UTY: variants seen among roughly 807,000 people sequenced by gnomAD.
UTY encodes ubiquitously transcribed tetratricopeptide repeat containing, Y-linked.
UTY carries 12 observed loss-of-function variants against 32.5 expected under a neutral mutation model. That is an observed-to-expected ratio of 0.37 (90% CI 0.24 to 0.60). The LOEUF is 0.60. Ranked by LOEUF, UTY falls within the 20% of genes least tolerant of loss-of-function variation. UTY has a pLI of 0.69. For synonymous variants in UTY, 131 were observed against 103.4 expected, an observed-to-expected ratio of 1.27 and a Z score of -1.62; for missense variants, 303 against 299.2, an observed-to-expected ratio of 1.01 and a Z score of -0.09.
At chrY:13,405,765 A>G in intron 6 of UTY, among the ~76,000 whole-genome samples, 3 of 32,967 alleles carry the variant, frequency 9.1e-5, no homozygotes, top group African/African-American at 3.5e-4. Flanking sequence ...TCTGTTAAAT[A>G]TGACACTCTT....
At chrY:13,239,083 C>A (rs2053876186) in intron 28 of UTY, among the ~76,000 whole-genome samples, 1 of 32,960 alleles carries the variant, frequency 3.0e-5, no homozygotes, top group Non-Finnish European at 7.5e-5. Context: ...AAATCAAAAT[C>A]AAAAACAAGT....
At chrY:13,362,923 G>C (rs2063697564) in intron 10 of UTY, among the ~76,000 whole-genome samples, 1 of 26,132 alleles carries the variant, frequency 3.8e-5, no homozygotes, top group Admixed American at 3.5e-4. Flanking sequence ...TTTTTTTTTT[G>C]ACATAGAGTC....
At chrY:13,386,092 A>ATTTTTTT (rs1416950038) in intron 8 of UTY, among the ~76,000 whole-genome samples, 1 of 16,480 alleles carries the variant, frequency 6.1e-5, no homozygotes, top group East Asian at 1.7e-3. Flanking sequence ...AGTCTATTTC[A>ATTTTTTT]TTTTTTTTTT....
chrY:13,350,016 A>T, intron 17 of UTY, among the ~76,000 whole-genome samples: 1 of 33,403 alleles, frequency 3.0e-5, no homozygotes, highest in South Asian at 6.6e-4. Flanking sequence ...TCCTTACAAA[A>T]GAGGCCTGAG....
intron 21 of UTY, among the ~76,000 whole-genome samples, chrY:13,319,907 G>C: frequency 3.0e-5 from 1 of 32,966 alleles, no homozygotes. Context: ...AAATTATTGA[G>C]TTATCACTCT....
intron 6 of UTY, among the ~76,000 whole-genome samples, chrY:13,407,914 G>C (rs2149636361): frequency 3.1e-5 from 1 of 32,676 alleles, no homozygotes; most frequent in Non-Finnish European, 7.6e-5. Flanking sequence ...ATGGAACTAA[G>C]GGAAGAAAAT....
intron 4 of UTY, among the ~76,000 whole-genome samples, chrY:13,446,559 T>G (rs1603465544): frequency 1.1e-3 from 5 of 4,364 alleles, no homozygotes; most frequent in Non-Finnish European, 1.2e-3. Context: ...GTGAGATAGA[T>G]AGATAGATAG....
intron 27 of UTY, among the ~76,000 whole-genome samples, chrY:13,290,904 C>T (rs2057728069): frequency 3.5e-5 from 1 of 28,701 alleles, no homozygotes; most frequent in Non-Finnish European, 8.2e-5. Context: ...TTTTTTGAGA[C>T]GGAGTCTCAC....
At chrY:13,350,332 A>G in intron 17 of UTY, among the ~76,000 whole-genome samples, 1 of 33,369 alleles carries the variant, frequency 3.0e-5, no homozygotes, top group Non-Finnish European at 7.4e-5. Flanking sequence ...TCAGACAAAC[A>G]AAAACTTGGA....
chrY:13,298,159 AAAAC>A (rs2058166641), intron 26 of UTY, among the ~76,000 whole-genome samples: 5 of 33,594 alleles, frequency 1.5e-4, no homozygotes, highest in Non-Finnish European at 2.9e-4. Context: ...GAGAAAAACA[AAAAC>A]AAACAAACAA....
At chrY:13,447,557 G>T in intron 4 of UTY, among the ~76,000 whole-genome samples, 1 of 33,705 alleles carries the variant, frequency 3.0e-5, no homozygotes, top group African/African-American at 1.2e-4. Flanking sequence ...AGCTAGAACT[G>T]TCAATAAAAA....
chrY:13,460,459 C>G lies in UTY; in HGVS notation c.325+9662G>C, dbSNP rs777105301. Among the ~76,000 whole-genome samples the G allele has an allele frequency of 8.7e-4, 29 of 33,468 alleles. No individual in the cohort carries two copies. The East Asian group carries it at 0.022, about 26-fold the overall frequency. The allele number at this position is 33,468 out of a possible 37,273, so 89.8% of individuals were successfully genotyped here. On this transcript the variant is annotated intron_variant, in intron 3 of 29. Transcript: ENST00000545955. ...GCTCACACCTGTAATCCCAACACTT[C>G]GGGAGGTCAGGATGGCAGACTGCTT... is the stretch of plus-strand genomic sequence containing the variant.
chrY:13,475,639 ACAAAACAGG>A (rs2078970695), intron 2 of UTY, among the ~76,000 whole-genome samples: 1 of 34,333 alleles, frequency 2.9e-5, no homozygotes. Flanking sequence ...TGAGTCACAG[ACAAAACAGG>A]CAAAACAATC....
chrY:13,256,421 G>C (rs2148404220), intron 28 of UTY, among the ~76,000 whole-genome samples: 1 of 33,807 alleles, frequency 3.0e-5, no homozygotes, highest in South Asian at 6.5e-4. Context: ...ACTTAGTAGA[G>C]TGGCTTTTTC....
At position 13,411,132 on chromosome Y, in the gene UTY, T is replaced by C. The variant is rs2070885224; in HGVS notation, c.435-19A>G. 2.1e-5 allele frequency: 8 copies of C among 373,443 alleles called. No individual in the cohort carries two copies. The Admixed American group carries it at 7.2e-4, about 33-fold the overall frequency. The allele number at this position is 373,443 out of a possible 400,897, so 93.2% of individuals were successfully genotyped here. A position where few individuals can be genotyped will look rare whatever the true frequency, so the allele number is the denominator to read the frequency against. On this transcript the variant is annotated intron_variant, in intron 5 of 29. Transcript: ENST00000545955. The stretch of plus-strand genomic sequence containing the variant: ...AATTGCCCTGAAAAAAATAAAAACA[T>C]AAGAAACTGTGATTTTTAATACTTA...
intron 8 of UTY, among the ~76,000 whole-genome samples, chrY:13,392,480 A>G: frequency 3.0e-5 from 1 of 33,891 alleles, no homozygotes; most frequent in Non-Finnish European, 7.3e-5. Flanking sequence ...TGCATTTTGT[A>G]AAACAAAATC....
At chrY:13,465,715 C>G (rs981196010) in intron 3 of UTY, among the ~76,000 whole-genome samples, 4 of 33,046 alleles carry the variant, frequency 1.2e-4, no homozygotes, top group Non-Finnish European at 3.0e-4. Flanking sequence ...GAAAGCTGCC[C>G]AAAGCATATG....
intron 8 of UTY, among the ~76,000 whole-genome samples, chrY:13,380,029 ATGTGTGTGTGTGTG>A (rs1569486958): frequency 1.9e-4 from 1 of 5,142 alleles, no homozygotes; most frequent in Non-Finnish European, 3.1e-4. Context: ...ATATATATAG[ATGTGTGTGTGTGTG>A]TGTGTGTGTG....
At chrY:13,287,344 A>G in intron 27 of UTY, 1 of 373,298 alleles carries the variant, frequency 2.7e-6, no homozygotes, top group Non-Finnish European at 3.8e-6. Context: ...GCAGAGATTG[A>G]TGCTCATCTT....
Sources: allele counts gnomAD v4.1 joint callset (sites outside exome capture counted in the v4.1 genomes callset), GRCh38; gene constraint gnomAD v4.1.1; transcripts MANE v1.5; gene names NCBI Gene and HGNC (gene_info 2026-07-23, HGNC 2026-07-21).